ANKS1B: variants seen among roughly 807,000 people sequenced by gnomAD.
The protein encoded by ANKS1B is ankyrin repeat and sterile alpha motif domain-containing protein 1B.
Under a neutral mutation model 148.3 loss-of-function variants are expected in ANKS1B, and 36 were observed. The observed-to-expected ratio is 0.24, with a 90% confidence interval of 0.19 to 0.32. The LOEUF (loss-of-function observed/expected upper bound fraction) is 0.32. ANKS1B is among the 10% of genes least tolerant of loss of function. The pLI, the probability that ANKS1B is intolerant of heterozygous loss-of-function variation, is 1.00. For missense variants in ANKS1B, 1,157 were observed against 1,542.6 expected, an observed-to-expected ratio of 0.75 and a Z score of 4.19; for synonymous variants, 542 against 560.8, an observed-to-expected ratio of 0.97 and a Z score of 0.47.
intron 25 of ANKS1B, among the ~76,000 whole-genome samples, chr12:98,772,396 A>T (rs996704124): frequency 3.3e-5 from 5 of 152,314 alleles, no homozygotes; most frequent in Admixed American, 1.3e-4. Context: ...TGTATTAGTC[A>T]GTTCTCACGC....
At chr12:99,452,151 G>T (rs542665542) in intron 10 of ANKS1B, among the ~76,000 whole-genome samples, 14 of 152,086 alleles carry the variant, frequency 9.2e-5, no homozygotes, top group African/African-American at 3.4e-4. Context: ...TACTCTCTTT[G>T]GGTAGCGAGA....
At chr12:99,515,961 CT>C (rs1245005204) in intron 9 of ANKS1B, among the ~76,000 whole-genome samples, 3 of 152,116 alleles carry the variant, frequency 2.0e-5, no homozygotes, top group Admixed American at 6.6e-5. Flanking sequence ...TGTATGTCTT[CT>C]TTTAAGAAAT....
intron 4 of ANKS1B, among the ~76,000 whole-genome samples, chr12:99,802,641 AG>A (rs2067091572): frequency 6.6e-6 from 1 of 152,146 alleles, no homozygotes. Context: ...GGTCAGGTGC[AG>A]TGGTTCAAAT....
At chr12:99,584,947 T>A (rs754789505) in intron 9 of ANKS1B, among the ~76,000 whole-genome samples, 4 of 152,048 alleles carry the variant, frequency 2.6e-5, no homozygotes, top group Non-Finnish European at 5.9e-5. Context: ...GGGTGAGGAC[T>A]CAGCCAAACT....
At chr12:99,667,433 TTTTATG>T (rs2098514891) in intron 8 of ANKS1B, among the ~76,000 whole-genome samples, 1 of 152,094 alleles carries the variant, frequency 6.6e-6, no homozygotes, top group Non-Finnish European at 1.5e-5. Context: ...AAAATTTGAT[TTTTATG>T]TTTATTTACT....
chr12:99,769,372 A>G (rs966926645), intron 8 of ANKS1B, among the ~76,000 whole-genome samples: 1 of 152,118 alleles, frequency 6.6e-6, no homozygotes, highest in Non-Finnish European at 1.5e-5. Flanking sequence ...ATCAGTATTT[A>G]TTTTTTAGAG....
chr12:99,831,530 A>T (rs1176221476), intron 1 of ANKS1B, among the ~76,000 whole-genome samples: 1 of 152,316 alleles, frequency 6.6e-6, no homozygotes, highest in Non-Finnish European at 1.5e-5. Context: ...AGTAAAAATT[A>T]TGGATTTTGA....
chr12:99,058,927 C>T (rs1251197677), intron 16 of ANKS1B, among the ~76,000 whole-genome samples: 3 of 151,128 alleles, frequency 2.0e-5, no homozygotes, highest in Admixed American at 6.6e-5. Context: ...TTAGTAGAGA[C>T]GGGGTTTCAC....
At chr12:99,186,608 T>A (rs2079894037) in intron 14 of ANKS1B, among the ~76,000 whole-genome samples, 1 of 152,030 alleles carries the variant, frequency 6.6e-6, no homozygotes, top group Admixed American at 6.6e-5. Context: ...GGGTCTGGAG[T>A]GGACCTCCAG....
chr12:99,357,434 C>A (rs1420737998), intron 12 of ANKS1B, among the ~76,000 whole-genome samples: 2 of 152,084 alleles, frequency 1.3e-5, no homozygotes, highest in Admixed American at 6.6e-5. Context: ...CCAGCATGGG[C>A]TGAGTGATTT....
chr12:99,965,948 C>A (rs2095479430), intron 1 of ANKS1B, among the ~76,000 whole-genome samples: 1 of 151,996 alleles, frequency 6.6e-6, no homozygotes, highest in Non-Finnish European at 1.5e-5. Flanking sequence ...AAAAAGTGCA[C>A]AACCTGAATG....
At chr12:99,425,803 G>A (rs2095241415) in intron 11 of ANKS1B, among the ~76,000 whole-genome samples, 1 of 149,852 alleles carries the variant, frequency 6.7e-6, no homozygotes, top group Non-Finnish European at 1.5e-5. Context: ...AGAGCTCTTT[G>A]CATATTAAAA....
At chr12:99,499,148 C>A (rs927222429) in intron 10 of ANKS1B, among the ~76,000 whole-genome samples, 2 of 152,168 alleles carry the variant, frequency 1.3e-5, no homozygotes, top group Non-Finnish European at 2.9e-5. Flanking sequence ...TGGATAAGGT[C>A]TCATATAAAA....
intron 10 of ANKS1B, among the ~76,000 whole-genome samples, chr12:99,465,651 T>G (rs952391450): frequency 7.2e-5 from 11 of 152,118 alleles, no homozygotes; most frequent in African/African-American, 2.7e-4. Flanking sequence ...TCCTAGTCTC[T>G]GATAAAACAG....
intron 8 of ANKS1B, among the ~76,000 whole-genome samples, chr12:99,747,714 G>A (rs1419079215): frequency 6.6e-6 from 1 of 152,078 alleles, no homozygotes; most frequent in Non-Finnish European, 1.5e-5. Context: ...CGTGATGTTG[G>A]TTGGAAATTT....
chr12:98,920,253 C>T (rs1179026849), intron 17 of ANKS1B, among the ~76,000 whole-genome samples: 4 of 152,198 alleles, frequency 2.6e-5, no homozygotes, highest in African/African-American at 4.8e-5. Flanking sequence ...CAGATGTGTT[C>T]CAGAGGCTGG....
intron 10 of ANKS1B, among the ~76,000 whole-genome samples, chr12:99,447,551 T>C (rs189756358): frequency 4.9e-4 from 75 of 152,182 alleles, no homozygotes; most frequent in Non-Finnish European, 1.3e-4. Context: ...ATTTGGGCAA[T>C]GATTTTTTGG....
intron 12 of ANKS1B, among the ~76,000 whole-genome samples, chr12:99,372,829 A>G (rs75434839): frequency 0.031 from 4,753 of 152,092 alleles, 102 homozygotes; most frequent in Non-Finnish European, 0.05. Flanking sequence ...AATTTCCTTT[A>G]TATCTCAGTG....
chr12:98,874,499 A>G (rs1030146727), intron 17 of ANKS1B, among the ~76,000 whole-genome samples: 1 of 152,218 alleles, frequency 6.6e-6, no homozygotes, highest in African/African-American at 2.4e-5. Context: ...GAAGGGTAAT[A>G]ATACGTTACA....
Sources: gnomAD v4.1 joint callset for allele counts (sites outside exome capture counted in the v4.1 genomes callset) on GRCh38, gnomAD v4.1.1 for gene constraint, MANE v1.5 for transcripts, NCBI Gene and HGNC (gene_info 2026-07-23, HGNC 2026-07-21) for gene names.